RADIL: variants seen among roughly 807,000 people sequenced by gnomAD.
The protein encoded by RADIL is ras-associating and dilute domain-containing protein.
In RADIL, 99 loss-of-function variants were observed where a neutral mutation model predicts 97.6. The ratio of observed to expected loss-of-function variants is 1.01; its 90% CI spans 0.86 to 1.20. The LOEUF (loss-of-function observed/expected upper bound fraction) is 1.20, where lower values mean the gene tolerates loss of function less well. RADIL is among the 50% of genes most tolerant of loss of function. The probability of loss-of-function intolerance (pLI) is 0.00; values close to 1 mark genes in which losing one functional copy is unlikely to be tolerated. For missense variants in RADIL, 1,765 were observed against 1,498.9 expected (o/e 1.18, Z -2.93); for synonymous variants, 803 against 691.8 (o/e 1.16, Z -2.52).
chr7:4,828,366 G>A lies in RADIL; in HGVS notation c.1454+3775C>T, dbSNP rs115632993. On this transcript the variant is annotated intron_variant, in intron 5 of 14. Transcript: ENST00000399583. ...CCCAGCTGCTTGAAGGCTGAGGAGC[G>A]GGAATCGCTTCAGCCCAGGAGGTGG... Among the ~76,000 whole-genome samples, 1,263 of 152,328 alleles carry A rather than the reference G, an allele frequency of 8.3e-3. 25 individuals are homozygous for A. Among genetic ancestry groups the A allele is most frequent in the African/African-American group, 0.029 (1,209 of 41,572 alleles).
rs900537968 is a variant in RADIL, at chr7:4,883,583, AC to A, written c.-65+12del. On this transcript the variant is annotated intron_variant, in intron 1 of 14. Coordinates refer to ENST00000399583, the MANE Select transcript of RADIL (RefSeq NM_018059.5). The surrounding 1 kb of genome is among the most constrained non-coding windows in gnomAD (Gnocchi z 7.1). The stretch of plus-strand genomic sequence containing the variant: ...CCGGTTCCGCAGTCACTCCTCGCGC[AC>A]CCCACACTCACCTCCGGCACAACCC... 12 of 151,656 alleles carry A rather than the reference AC, an allele frequency of 7.9e-5. No individual in the cohort carries two copies. Among genetic ancestry groups the A allele is most frequent in the African/African-American group, 2.9e-4 (12 of 41,250 alleles). The allele number at this position is 151,656 out of a possible 1,614,324, so 9.4% of individuals were successfully genotyped here. A position where few individuals can be genotyped will look rare whatever the true frequency, so the allele number is the denominator to read the frequency against.
At position 4,862,934 on chromosome 7, in the gene RADIL, T is replaced by TA. The variant is rs561298282; in HGVS notation, c.535+14670dup. Among the ~76,000 whole-genome samples, 252 of 151,686 alleles carry TA rather than the reference T, an allele frequency of 1.7e-3. 1 individual carries two copies. The highest frequency in any genetic ancestry group is 2.6e-3 in the Non-Finnish European group (179 of 67,858). On this transcript the variant is annotated intron_variant, in intron 2 of 14. Transcript: ENST00000399583. ...TAAAATTAAAAATAAAAATAAAAAA[T>TA]AAAAAATATAATCTTACCCAGGATA...
At chr7:4,852,251 T>A (rs561948277) in intron 2 of RADIL, among the ~76,000 whole-genome samples, 1 of 152,064 alleles carries the variant, frequency 6.6e-6, no homozygotes, top group Non-Finnish European at 1.5e-5. Flanking sequence ...CTACCGTCCA[T>A]GCAGAGGGAA....
In RADIL at chr7:4,831,220, G is replaced by C. The variant is rs1013229655; in HGVS notation, c.1454+921C>G. Among the ~76,000 whole-genome samples, 14 of 150,812 alleles carry C rather than the reference G, an allele frequency of 9.3e-5. No homozygotes were observed. The East Asian group carries it at 1.2e-3, about 13-fold the overall frequency. ...AAAAGAAAAAAAAAAAAAAGCACGA[G>C]ATCATGTCCTTTGCAGGGACATGGA... On this transcript the variant is annotated intron_variant, in intron 5 of 14. Coordinates refer to ENST00000399583, the MANE Select transcript of RADIL (RefSeq NM_018059.5).
In RADIL at chr7:4,830,977, C is replaced by T. The variant is rs150562268; in HGVS notation, c.1454+1164G>A. 6.4e-3 allele frequency among the ~76,000 whole-genome samples: 976 copies of T among 151,420 alleles called. 11 individuals are homozygous for T. Among genetic ancestry groups the T allele is most frequent in the African/African-American group, 0.022 (906 of 41,148 alleles). Reference sequence around the variant, plus strand: ...CAAAGCTTGCAGTAAGCCGACACTGCGCCATAGCACTCTAGCCTGGGCGAC... The same window carrying T: ...CAAAGCTTGCAGTAAGCCGACACTGTGCCATAGCACTCTAGCCTGGGCGAC... On this transcript the variant is annotated intron_variant, in intron 5 of 14. Coordinates refer to ENST00000399583, the MANE Select transcript of RADIL (RefSeq NM_018059.5).
chr7:4,847,971 G>A (rs755731309), intron 2 of RADIL, among the ~76,000 whole-genome samples: 1 of 152,100 alleles, frequency 6.6e-6, no homozygotes, highest in Non-Finnish European at 1.5e-5. Context: ...CGCAGCAGGC[G>A]GATCGCTTGA....
Position 4,840,385 on chromosome 7 carries a change from C to T in RADIL, c.536-3780G>A, listed in dbSNP as rs182533378. On this transcript the variant is annotated intron_variant, in intron 2 of 14. Coordinates refer to ENST00000399583, the MANE Select transcript of RADIL (RefSeq NM_018059.5). This position sits in a 1 kb window ranked among gnomAD's most constrained non-coding sequence, Gnocchi z 5.6. The stretch of plus-strand genomic sequence containing the variant: ...CCTTTGGGTGGAGGGAGACAGGAGC[C>T]GAGGCACGTGGAGAGCATCCCTCGT... Among the ~76,000 whole-genome samples the T allele has an allele frequency of 4.2e-3, 642 of 152,210 alleles. 7 individuals are homozygous for T. The highest frequency in any genetic ancestry group is 0.015 in the African/African-American group (615 of 41,538).
At chr7:4,839,471 C>T (rs1341764702) in intron 2 of RADIL, among the ~76,000 whole-genome samples, 1 of 152,138 alleles carries the variant, frequency 6.6e-6, no homozygotes, top group East Asian at 1.9e-4. Context: ...GCGTTTACCA[C>T]ATGGCGGCTG....
chr7:4,808,289 T>C (rs1782412149), intron 9 of RADIL, among the ~76,000 whole-genome samples: 1 of 151,494 alleles, frequency 6.6e-6, no homozygotes, highest in Non-Finnish European at 1.5e-5. Flanking sequence ...CTGCACAGCT[T>C]TTTATTTCTG....
intron 11 of RADIL, 95 bp from the exon 12 acceptor site, chr7:4,802,090 G>C: frequency 9.2e-7 from 1 of 1,092,316 alleles, no homozygotes; most frequent in Non-Finnish European, 1.3e-6. Flanking sequence ...GGGCCGCCAG[G>C]CCGCGGGGCA....
chr7:4,845,628 C>T (rs879438619), intron 2 of RADIL, among the ~76,000 whole-genome samples: 7 of 152,000 alleles, frequency 4.6e-5, no homozygotes, highest in Non-Finnish European at 7.3e-5. Flanking sequence ...TCCAAATTTT[C>T]GGCAAAATGA....
intron 2 of RADIL, among the ~76,000 whole-genome samples, chr7:4,843,468 C>A (rs965456328): frequency 6.6e-6 from 1 of 152,126 alleles, no homozygotes; most frequent in African/African-American, 2.4e-5. Context: ...GGACACAGAG[C>A]CGTAGGACCA....
intron 11 of RADIL, 37 bp downstream of exon 11, chr7:4,803,509 C>G (rs1485399239): frequency 6.7e-7 from 1 of 1,495,212 alleles, no homozygotes; most frequent in Admixed American, 2.0e-5. Flanking sequence ...CCGGGCACCT[C>G]GGGGCACGCT....
At chr7:4,845,721 C>A (rs1485985956) in intron 2 of RADIL, among the ~76,000 whole-genome samples, 1 of 152,164 alleles carries the variant, frequency 6.6e-6, no homozygotes, top group Non-Finnish European at 1.5e-5. Flanking sequence ...CTTGGACCGC[C>A]TCACACTAAT....
At chr7:4,807,970 CCCTCCTCCCT>C (rs1330626219) in intron 9 of RADIL, among the ~76,000 whole-genome samples, 43 of 66,602 alleles carry the variant, frequency 6.5e-4, no homozygotes, top group African/African-American at 5.1e-3. Context: ...TCTCTCCTCT[CCCTCCTCCCT>C]CTCTCCCTGT....
At chr7:4,803,449 G>A in intron 11 of RADIL, 97 bp downstream of exon 11, 2 of 1,110,958 alleles carry the variant, frequency 1.8e-6, no homozygotes, top group Non-Finnish European at 2.5e-6. Flanking sequence ...CACGCTGGCT[G>A]GGTGGCCCCC....
chr7:4,809,669 A>ATTTAT (rs761236487), intron 9 of RADIL: 5 of 945,940 alleles, frequency 5.3e-6, no homozygotes, highest in East Asian at 1.2e-4. Flanking sequence ...TTATTTATTT[A>ATTTAT]TTTATTTTAT....
At chr7:4,833,136 G>C (rs956217209) in intron 4 of RADIL, among the ~76,000 whole-genome samples, 3 of 152,178 alleles carry the variant, frequency 2.0e-5, no homozygotes, top group African/African-American at 7.2e-5. Context: ...CGAGCCCCAG[G>C]TGGCTGGGAC....
intron 2 of RADIL, among the ~76,000 whole-genome samples, chr7:4,847,739 C>CAAAAAAAAAAAAAAAAAAAAAAAA (rs56177809): frequency 2.5e-4 from 6 of 23,806 alleles, no homozygotes; most frequent in African/African-American, 3.1e-4. Context: ...AAGCTAGATG[C>CAAAAAAAAAAAAAAAAAAAAAAAA]AAAAAAAAAA....
Sources: gnomAD v4.1 joint callset for allele counts (sites outside exome capture counted in the v4.1 genomes callset) on GRCh38, gnomAD v4.1.1 for gene constraint, Gnocchi (gnomAD v3.1) non-coding constraint, MANE v1.5 for transcripts, NCBI Gene and HGNC (gene_info 2026-07-23, HGNC 2026-07-21) for gene names.